CCDC150: variants seen among roughly 807,000 people sequenced by gnomAD.
CCDC150 encodes the protein coiled-coil domain-containing protein 150.
In CCDC150, 151 loss-of-function variants were observed where a neutral mutation model predicts 156.5. The observed-to-expected ratio is 0.97, with a 90% CI of 0.85 to 1.10. The LOEUF (loss-of-function observed/expected upper bound fraction) is 1.10. Ranked by LOEUF, CCDC150 falls within the 50% of genes least tolerant of loss-of-function variation. CCDC150 has a pLI of 0.00. For synonymous variants in CCDC150, 452 were observed against 429.4 expected (o/e 1.05, Z -0.65); for missense variants, 1,312 against 1,268.1 (o/e 1.03, Z -0.53).
At chr2:196,680,860 G>C (rs1181992338) in intron 13 of CCDC150, among the ~76,000 whole-genome samples, 1 of 152,144 alleles carries the variant, frequency 6.6e-6, no homozygotes, top group Non-Finnish European at 1.5e-5. Context: ...GAGTTCCAGT[G>C]TCTCCACATC....
chr2:196,651,559 A>G (rs1692876170), intron 2 of CCDC150, among the ~76,000 whole-genome samples: 2 of 152,168 alleles, frequency 1.3e-5, no homozygotes, highest in South Asian at 2.1e-4. Flanking sequence ...TTCTTGGTTG[A>G]CAGTTTTATT....
chr2:196,666,878 C>T (rs762848732), intron 7 of CCDC150, 30 bp downstream of exon 7: 13 of 1,612,484 alleles, frequency 8.1e-6, no homozygotes, highest in Non-Finnish European at 1.0e-5. Context: ...AAATCACCCT[C>T]TTGTTAGTTT....
chr2:196,674,269 G>A lies in CCDC150; in HGVS notation c.1058G>A (p.Cys353Tyr). Reference sequence around the variant, plus strand: ...TTGAATGACCAATTGACTAAAAAGTGTTCAGAGTTGAGCTGCATGCTTCAG... The same window carrying A: ...TTGAATGACCAATTGACTAAAAAGTATTCAGAGTTGAGCTGCATGCTTCAG... ...QVLNDQLTKK[C>Y]SELSCMLQTV... Residue 353 changes from cysteine to tyrosine, a missense_variant, in exon 10 of 28, where the codon TGT becomes TAT. Transcript: ENST00000389175. The A allele has an allele frequency of 6.2e-7, 1 of 1,601,636 alleles. No homozygotes were observed. Among genetic ancestry groups the A allele is most frequent in the African/African-American group, 1.3e-5 (1 of 74,826 alleles).
chr2:196,725,877 C>G, intron 21 of CCDC150, 96 bp from the exon 22 acceptor site: 1 of 1,155,148 alleles, frequency 8.7e-7, no homozygotes, highest in Non-Finnish European at 1.2e-6. Flanking sequence ...TTATAAATCA[C>G]ACACCTTTTG....
intron 22 of CCDC150, chr2:196,726,925 A>G: frequency 6.6e-6 from 1 of 152,224 alleles, no homozygotes; most frequent in Non-Finnish European, 1.5e-5. Flanking sequence ...GTGGTATGAT[A>G]GAAGCATGAG....
intron 13 of CCDC150, among the ~76,000 whole-genome samples, chr2:196,681,048 C>G (rs1232452339): frequency 2.6e-5 from 4 of 152,160 alleles, no homozygotes; most frequent in Admixed American, 6.5e-5. Context: ...CTGCCTCTGT[C>G]TAGATTCAAA....
chr2:196,703,545 A>G (rs1030397418), intron 15 of CCDC150, among the ~76,000 whole-genome samples: 2 of 152,188 alleles, frequency 1.3e-5, no homozygotes, highest in Admixed American at 6.6e-5. Flanking sequence ...AATAGGCTAC[A>G]TTACAGGCTG....
rs543739918 is a variant in CCDC150 at position 196,655,987 on chromosome 2, C to T, written c.177-646C>T. ...GGCTTGTATGAAGCTCAACTGGTAA[C>T]AGCAGCAGTTGACAGAGTACATTGG... On this transcript the variant is annotated intron_variant, in intron 2 of 27. Coordinates refer to ENST00000389175, the MANE Select transcript of CCDC150 (RefSeq NM_001080539.2). Among the ~76,000 whole-genome samples, 49 of 152,256 alleles carry T rather than the reference C, an allele frequency of 3.2e-4. No homozygotes were observed. The South Asian group carries it at 7.9e-3, about 24-fold the overall frequency.
At position 196,669,727 on chromosome 2, in the gene CCDC150, C is replaced by T. The variant is rs1055959221; in HGVS notation, c.893-106C>T. 6.4e-6 allele frequency: 5 copies of T among 778,500 alleles called. No homozygotes were observed. The Admixed American group carries it at 9.5e-5, about 15-fold the overall frequency. The allele number at this position is 778,500 out of a possible 1,614,324, so 48.2% of individuals were successfully genotyped here. ...AATATTATAGAAATAGTTGGGTTCT[C>T]CTTATCTCTACAAAAAATAGACATA... On this transcript the variant is annotated intron_variant, in intron 7 of 27. Transcript: ENST00000389175.
At chr2:196,646,219 G>A in intron 1 of CCDC150, 122 bp from the exon 2 acceptor site, 1 of 863,540 alleles carries the variant, frequency 1.2e-6, no homozygotes. Flanking sequence ...GGCCAAAGCA[G>A]AACACATCAC....
chr2:196,665,407 C>T (rs1342438090), intron 5 of CCDC150, among the ~76,000 whole-genome samples, 160 bp from the exon 6 acceptor site: 1 of 152,104 alleles, frequency 6.6e-6, no homozygotes, highest in Non-Finnish European at 1.5e-5. Flanking sequence ...TAATCCTAGG[C>T]AATCTAGGGA....
rs746816298 is a variant in CCDC150 at position 196,729,221 on chromosome 2, T to G, written c.2585T>G (p.Phe862Cys). The change falls in exon 23 of 28, where the codon TTC becomes TGC. Residue 862 changes from phenylalanine (F) to cysteine (C), a missense_variant. By Grantham distance (205) the Phe-to-Cys change is radical (BLOSUM62 -2). Coordinates refer to ENST00000389175, the MANE Select transcript of CCDC150 (RefSeq NM_001080539.2). ...AAGAAAGCCCTTGATGAAGCTAACT[T>G]CAGATCAGTGGAAGTGTCCCGGACC... ...ELKKALDEANFRSVEVSRTNR... is the reference protein window; with the variant it reads ...ELKKALDEANCRSVEVSRTNR... The G allele has an allele frequency of 6.2e-7, 1 of 1,613,396 alleles. No individual in the cohort carries two copies. Among genetic ancestry groups the G allele is most frequent in the African/African-American group, 1.3e-5 (1 of 74,922 alleles).
intron 14 of CCDC150, among the ~76,000 whole-genome samples, chr2:196,697,462 C>G (rs1695906866): frequency 6.6e-6 from 1 of 152,110 alleles, no homozygotes; most frequent in African/African-American, 2.4e-5. Context: ...CTCCCCACTT[C>G]TCTTTTGGGG....
rs1575883707 is a variant in CCDC150, at chr2:196,702,010, G to A, written c.1695+830G>A. 2.6e-5 allele frequency among the ~76,000 whole-genome samples: 4 copies of A among 152,146 alleles called. No individual in the cohort carries two copies. In the South Asian group the frequency reaches 8.3e-4, roughly 32 times the overall value. The stretch of plus-strand genomic sequence containing the variant: ...TTTGGGTGGCTGAGGCAGGAGAATG[G>A]CTTGAGGCCAGGAGTTTGAGACTAG... On this transcript the variant is annotated intron_variant, in intron 15 of 27. Transcript: ENST00000389175.
At chr2:196,714,476 A>C (rs551561864) in intron 17 of CCDC150, among the ~76,000 whole-genome samples, 1 of 152,136 alleles carries the variant, frequency 6.6e-6, no homozygotes, top group African/African-American at 2.4e-5. Context: ...GTGTAGGGAG[A>C]GTAGTAGCCT....
intron 1 of CCDC150, among the ~76,000 whole-genome samples, chr2:196,645,254 C>G (rs1419229742): frequency 6.6e-6 from 1 of 152,206 alleles, no homozygotes; most frequent in African/African-American, 2.4e-5. Context: ...GATTCTTGCT[C>G]CCTTAAATCC....
chr2:196,669,733 C>T, intron 7 of CCDC150, 100 bp from the exon 8 acceptor site: 1 of 817,724 alleles, frequency 1.2e-6, no homozygotes, highest in Non-Finnish European at 2.0e-6. Context: ...TTCTCCTTAT[C>T]TCTACAAAAA....
chr2:196,648,512 G>A (rs1442873016), intron 2 of CCDC150, among the ~76,000 whole-genome samples: 1 of 152,028 alleles, frequency 6.6e-6, no homozygotes, highest in African/African-American at 2.4e-5. Flanking sequence ...AGTAGTTTGA[G>A]TTTCTTGTAT....
At chr2:196,678,361 A>C (rs1161677826) in intron 13 of CCDC150, among the ~76,000 whole-genome samples, 4 of 152,180 alleles carry the variant, frequency 2.6e-5, no homozygotes, top group Non-Finnish European at 5.9e-5. Flanking sequence ...GTAAACTTTT[A>C]ATTTAAGGAT....
Sources: allele counts gnomAD v4.1 joint callset (sites outside exome capture counted in the v4.1 genomes callset), GRCh38; gene constraint gnomAD v4.1.1; transcripts MANE v1.5; gene names NCBI Gene and HGNC (gene_info 2026-07-23, HGNC 2026-07-21).